The following SPATA22 variants were observed in gnomAD, a reference collection of about 807,000 sequenced individuals.
The protein encoded by SPATA22 is spermatogenesis-associated protein 22.
In SPATA22, 29 loss-of-function variants were observed where a neutral mutation model predicts 47.8. That is an observed-to-expected ratio of 0.61 (90% CI 0.45 to 0.83). The LOEUF is 0.83. SPATA22 is among the 40% of genes least tolerant of loss of function. The probability of loss-of-function intolerance (pLI) is 0.00; values close to 1 mark genes in which losing one functional copy is unlikely to be tolerated. For missense variants in SPATA22, 410 were observed against 421.7 expected, an observed-to-expected ratio of 0.97 and a Z score of 0.24; for synonymous variants, 133 against 140.9, an observed-to-expected ratio of 0.94 and a Z score of 0.40.
At chr17:3,457,430 C>T (rs1307781263) in intron 5 of SPATA22, among the ~76,000 whole-genome samples, 2 of 152,128 alleles carry the variant, frequency 1.3e-5, no homozygotes, top group Non-Finnish European at 2.9e-5. Flanking sequence ...AGACTCAATG[C>T]AATCCCTATC....
In SPATA22 at chr17:3,451,934, G is replaced by A. The variant is rs1308625586; in HGVS notation, c.330-2785C>T. ...TGCACTCCAGCCTGGGCGACAGAGCGAGACTCTGTCTCAATTAAAAAAAAA... is the reference window on the plus strand; with the variant it reads ...TGCACTCCAGCCTGGGCGACAGAGCAAGACTCTGTCTCAATTAAAAAAAAA... On this transcript the variant is annotated intron_variant, in intron 5 of 8. Transcript: ENST00000572969. Among the ~76,000 whole-genome samples the A allele has an allele frequency of 5.4e-5, 8 of 149,016 alleles. No homozygotes were observed. The East Asian group carries it at 9.8e-4, about 18-fold the overall frequency.
intron 1 of SPATA22, among the ~76,000 whole-genome samples, chr17:3,482,632 AG>A (rs1295768563): frequency 6.6e-6 from 1 of 152,180 alleles, no homozygotes; most frequent in African/African-American, 2.4e-5. Context: ...GGGTACTCAA[AG>A]CCTTAAATGA....
At chr17:3,477,999 G>A (rs1274812900) in intron 1 of SPATA22, among the ~76,000 whole-genome samples, 1 of 151,488 alleles carries the variant, frequency 6.6e-6, no homozygotes, top group Non-Finnish European at 1.5e-5. Context: ...TGGCTAACAC[G>A]GTAAAACCCC....
Position 3,489,312 on chromosome 17 carries a change from G to C in SPATA22, c.-73-19914C>G, listed in dbSNP as rs147763700. The C allele has an allele frequency of 6.2e-7, 1 of 1,613,040 alleles. No homozygotes were observed. ...TCAAATGAGAAAAATGATTAAACATGCTCTTGATTTTATACATCATTTCAA... is the reference window on the plus strand; with the variant it reads ...TCAAATGAGAAAAATGATTAAACATCCTCTTGATTTTATACATCATTTCAA... On this transcript the variant is annotated intron_variant, in intron 1 of 8. Transcript: ENST00000541913.
chr17:3,513,843 CTCTCTGCACAGAG>C (rs1356606928), exon 1 of SPATA22: 24 of 1,308,734 alleles, frequency 1.8e-5, no homozygotes, highest in East Asian at 5.1e-4. Context: ...CCCTCAAAGC[CTCTCTGCACAGAG>C]TCGGTGACTC....
At chr17:3,493,560 C>CAAA (rs746229421) in intron 1 of SPATA22, among the ~76,000 whole-genome samples, 1,964 of 55,602 alleles carry the variant, frequency 0.035, 74 homozygotes, top group Non-Finnish European at 0.049. Flanking sequence ...GGTTCCATCT[C>CAAA]AAAAAAAAAA....
chr17:3,453,666 G>A (rs1174080162), intron 5 of SPATA22, among the ~76,000 whole-genome samples: 2 of 151,970 alleles, frequency 1.3e-5, no homozygotes, highest in Non-Finnish European at 2.9e-5. Flanking sequence ...TCCAAAACTC[G>A]AAATGCTCCA....
In SPATA22 at chr17:3,471,787, G is replaced by A. The variant is rs1377772815; in HGVS notation, c.-179C>T. 9.1e-6 allele frequency: 9 copies of A among 985,392 alleles called. No homozygotes were observed. The highest frequency in any genetic ancestry group is 1.1e-5 in the Non-Finnish European group (9 of 830,002). 61.0% of individuals were successfully genotyped at this position (985,392 alleles called of 1,614,324 possible). On this transcript the variant is annotated 5_prime_UTR_variant, in exon 1 of 9. Transcript: ENST00000572969. Reference sequence around the variant, plus strand: ...CCAGGCGGCCCCGTCAGCAACCGCCGCCCTTCCCGCCCGCGAAGAAAGCGC... The same window carrying A: ...CCAGGCGGCCCCGTCAGCAACCGCCACCCTTCCCGCCCGCGAAGAAAGCGC...
chr17:3,470,470 C>T (rs528725787), intron 1 of SPATA22, among the ~76,000 whole-genome samples: 18 of 152,264 alleles, frequency 1.2e-4, no homozygotes, highest in Non-Finnish European at 1.5e-4. Context: ...GGGAAACAGG[C>T]CGGGTGCAGT....
chr17:3,459,044 A>C (rs2073063346), intron 5 of SPATA22, among the ~76,000 whole-genome samples: 2 of 98,844 alleles, frequency 2.0e-5, no homozygotes, highest in South Asian at 6.2e-4. Flanking sequence ...TAAGTCAGAC[A>C]CAGAAAGAAT....
intron 1 of SPATA22, among the ~76,000 whole-genome samples, chr17:3,477,923 C>G (rs1012018522): frequency 5.3e-5 from 8 of 151,860 alleles, no homozygotes; most frequent in African/African-American, 1.9e-4. Context: ...TGGCTCACAC[C>G]TGTAATCCCA....
intron 1 of SPATA22, among the ~76,000 whole-genome samples, chr17:3,482,877 T>G (rs2150747902): frequency 6.6e-6 from 1 of 151,660 alleles, no homozygotes; most frequent in East Asian, 1.9e-4. Flanking sequence ...GCCATGTTGG[T>G]GTGCCGCACC....
intron 1 of SPATA22, among the ~76,000 whole-genome samples, chr17:3,477,264 T>G (rs2073541574): frequency 6.6e-6 from 1 of 152,220 alleles, no homozygotes; most frequent in Non-Finnish European, 1.5e-5. Flanking sequence ...ATACCAGAGA[T>G]GAGAACTAAA....
In SPATA22 at chr17:3,470,093, C is replaced by CAAAAAAAA. The variant is rs57432043; in HGVS notation, c.-73-703_-73-696dup. Among the ~76,000 whole-genome samples the CAAAAAAAA allele has an allele frequency of 8.7e-4, 47 of 54,282 alleles. 4 individuals carry two copies. Among genetic ancestry groups the CAAAAAAAA allele is most frequent in the East Asian group, 2.5e-3 (4 of 1,626 alleles). 35.6% of individuals were successfully genotyped at this position (54,282 alleles called of 152,430 possible). A position where few individuals can be genotyped will look rare whatever the true frequency, so the allele number is the denominator to read the frequency against. On this transcript the variant is annotated intron_variant, in intron 1 of 8. Coordinates refer to ENST00000572969, the MANE Select transcript of SPATA22 (RefSeq NM_001170698.2). ...GGGCAACAAGACCCAGACTCCATCTCAAAAAAAAAAAAAAAAAAAAAAGAC... is the reference window on the plus strand; with the variant it reads ...GGGCAACAAGACCCAGACTCCATCTCAAAAAAAAAAAAAAAAAAAAAAAAAAAAAAGAC...
intron 1 of SPATA22, chr17:3,483,585 T>A: frequency 6.2e-7 from 1 of 1,612,322 alleles, no homozygotes; most frequent in Non-Finnish European, 8.5e-7. Context: ...TAGCCAAGTA[T>A]CCTGTGGGTA....
intron 1 of SPATA22, among the ~76,000 whole-genome samples, chr17:3,491,507 G>A (rs1328885240): frequency 6.6e-6 from 1 of 152,176 alleles, no homozygotes; most frequent in Non-Finnish European, 1.5e-5. Context: ...TGCACTTTGG[G>A]AGGCTGAGGC....
intron 1 of SPATA22, chr17:3,512,015 G>C (rs978074218): frequency 5.9e-5 from 9 of 152,148 alleles, no homozygotes; most frequent in African/African-American, 2.2e-4. Flanking sequence ...CAATCTCCAG[G>C]CTAAAAGGGA....
At chr17:3,507,970 C>T (rs113526395) in intron 1 of SPATA22, among the ~76,000 whole-genome samples, 11 of 152,298 alleles carry the variant, frequency 7.2e-5, no homozygotes, top group African/African-American at 1.4e-4. Flanking sequence ...TTTGGACTAA[C>T]GCCTATTAAG....
rs994211684 is a variant in SPATA22, at chr17:3,457,649, G to C, written c.329+4834C>G. Among the ~76,000 whole-genome samples the C allele has an allele frequency of 6.6e-5, 10 of 152,196 alleles. No individual in the cohort carries two copies. The South Asian group carries it at 8.3e-4, about 13-fold the overall frequency. On this transcript the variant is annotated intron_variant, in intron 5 of 8. Transcript: ENST00000572969. ...AACAGGCACATAGATCAACAGAATA[G>C]AGAGCCCAGAAATAAACCCATGCAT...
Sources: allele counts gnomAD v4.1 joint callset (sites outside exome capture counted in the v4.1 genomes callset), GRCh38; gene constraint gnomAD v4.1.1; transcripts MANE v1.5; gene names NCBI Gene and HGNC (gene_info 2026-07-23, HGNC 2026-07-21).